The following TSHR variants were observed in gnomAD, a reference collection of about 807,000 sequenced individuals.
TSHR encodes the protein thyroid stimulating hormone receptor, also known as thyrotropin receptor.
A neutral mutation model predicts 64.1 loss-of-function variants in TSHR; 51 were observed. The observed-to-expected ratio is 0.80, with a 90% CI of 0.64 to 1.01. The LOEUF (loss-of-function observed/expected upper bound fraction) is 1.01, where lower values mean the gene tolerates loss of function less well. Among genes scored for constraint, TSHR ranks in the 50% least tolerant of loss-of-function variants. TSHR has a pLI of 0.00. For synonymous variants in TSHR, 361 were observed against 361.9 expected, an observed-to-expected ratio of 1.00 and a Z score of 0.03; for missense variants, 877 against 942.8, an observed-to-expected ratio of 0.93 and a Z score of 0.91.
chr14:81,055,544 G>C (rs1885726432), intron 1 of TSHR, among the ~76,000 whole-genome samples: 1 of 152,180 alleles, frequency 6.6e-6, no homozygotes, highest in African/African-American at 2.4e-5. Context: ...TGAGAGGGAG[G>C]CTGTACCCTG....
intron 1 of TSHR, among the ~76,000 whole-genome samples, chr14:81,034,383 C>A (rs150983337): frequency 4.6e-4 from 70 of 152,280 alleles, no homozygotes; most frequent in African/African-American, 1.5e-3. Context: ...TCCCATCTAC[C>A]TGAGAGGCTG....
At position 81,143,343 on chromosome 14, in the gene TSHR, C is replaced by A; in HGVS notation, c.1285C>A (p.Leu429Ile). The A allele has an allele frequency of 6.2e-7, 1 of 1,614,190 alleles. No individual in the cohort carries two copies. The highest frequency in any genetic ancestry group is 8.5e-7 in the Non-Finnish European group (1 of 1,180,046). ...IVVWFVSLLA[L>I]LGNVFVLLIL... is the part of the protein sequence containing the mutation. ...GGTGTGGTTCGTTAGTCTGCTGGCT[C>A]TCCTGGGCAATGTCTTTGTCCTGCT... is the stretch of plus-strand genomic sequence containing the variant. The change falls in exon 10 of 10, where the codon CTC becomes ATC. Residue 429 changes from leucine (L) to isoleucine (I), a missense_variant. By Grantham distance (5) the Leu-to-Ile change is conservative. Coordinates refer to ENST00000298171, the MANE Select transcript of TSHR (RefSeq NM_000369.5).
At chr14:80,991,141 G>A (rs1888705984) in intron 1 of TSHR, among the ~76,000 whole-genome samples, 2 of 152,072 alleles carry the variant, frequency 1.3e-5, no homozygotes, top group Non-Finnish European at 2.9e-5. Context: ...TACATTAAAA[G>A]AACTATAAAC....
intron 4 of TSHR, 151 bp downstream of exon 4, chr14:81,088,179 G>T (rs1158292028): frequency 3.0e-6 from 2 of 675,366 alleles, no homozygotes; most frequent in Non-Finnish European, 5.3e-6. Flanking sequence ...CGGGTGAAAT[G>T]ATCCACATTT....
intron 1 of TSHR, among the ~76,000 whole-genome samples, chr14:81,038,305 A>G (rs913636331): frequency 6.6e-6 from 1 of 151,994 alleles, no homozygotes; most frequent in Non-Finnish European, 1.5e-5. Context: ...GAAACACAAC[A>G]CACCTCAATC....
chr14:81,022,081 T>C lies in TSHR; in HGVS notation c.171-40067T>C, dbSNP rs1403336301. 3.1e-5 allele frequency among the ~76,000 whole-genome samples: 4 copies of C among 129,928 alleles called. No homozygotes were observed. In the Admixed American group the frequency reaches 3.4e-4, roughly 11 times the overall value. 85.2% of individuals were successfully genotyped at this position (129,928 alleles called of 152,430 possible). A position where few individuals can be genotyped will look rare whatever the true frequency, so the allele number is the denominator to read the frequency against. ...ATCAAAACCATCCTGGCTAACATGG[T>C]GAAACCCCGTCTCTACTAAAAATAC... On this transcript the variant is annotated intron_variant, in intron 1 of 9. Coordinates refer to ENST00000298171, the MANE Select transcript of TSHR (RefSeq NM_000369.5).
At chr14:81,100,086 G>C (rs1207854969) in intron 7 of TSHR, among the ~76,000 whole-genome samples, 1 of 152,174 alleles carries the variant, frequency 6.6e-6, no homozygotes, top group African/African-American at 2.4e-5. Flanking sequence ...GGATGGGAGA[G>C]GGGGAGCTAT....
At chr14:81,142,581 C>T (rs1891735194) in intron 9 of TSHR, among the ~76,000 whole-genome samples, 1 of 150,340 alleles carries the variant, frequency 6.7e-6, no homozygotes, top group Non-Finnish European at 1.5e-5. Flanking sequence ...ATGTGGGAAC[C>T]ATTCGTGGGT....
chr14:81,129,025 C>T (rs8021423), intron 8 of TSHR, among the ~76,000 whole-genome samples: 49,038 of 151,706 alleles, frequency 0.32, 8,104 homozygotes, highest in African/African-American at 0.39. Flanking sequence ...TATTTTTTTC[C>T]TCCAACACTG....
chr14:81,093,800 C>T (rs911419237), intron 6 of TSHR: 13 of 152,186 alleles, frequency 8.5e-5, no homozygotes, highest in Admixed American at 8.5e-4. Context: ...AGAAAAGGCC[C>T]AGGCTCTTAG....
chr14:81,056,341 C>T (rs899299312), intron 1 of TSHR, among the ~76,000 whole-genome samples: 10 of 152,092 alleles, frequency 6.6e-5, no homozygotes, highest in Admixed American at 2.6e-4. Context: ...GAAAACTACA[C>T]AGGAAACTTT....
chr14:81,146,024 C>G lies in TSHR; in HGVS notation c.*1671C>G, dbSNP rs555814345. On this transcript the variant is annotated 3_prime_UTR_variant, in exon 10 of 10. Coordinates refer to ENST00000298171, the MANE Select transcript of TSHR (RefSeq NM_000369.5). The stretch of plus-strand genomic sequence containing the variant: ...ACCCACTCATCACTATCATTGAGAC[C>G]TGCACATCTTAATAGAAATATTATA... 4.3e-6 allele frequency: 1 copy of G among 231,790 alleles called. No individual in the cohort carries two copies. Among genetic ancestry groups the G allele is most frequent in the South Asian group, 1.8e-4 (1 of 5,518 alleles). 14.4% of individuals were successfully genotyped at this position (231,790 alleles called of 1,614,324 possible).
chr14:81,104,979 G>A, intron 7 of TSHR: 1 of 985,396 alleles, frequency 1.0e-6, no homozygotes, highest in Non-Finnish European at 1.2e-6. Context: ...TAGATATTTA[G>A]AAACCCTGAC....
intron 5 of TSHR, among the ~76,000 whole-genome samples, chr14:81,092,050 A>G (rs1235131436): frequency 6.6e-6 from 1 of 152,268 alleles, no homozygotes; most frequent in Non-Finnish European, 1.5e-5. Flanking sequence ...AATGTAAGCA[A>G]TCTTCCAGAA....
chr14:81,034,043 C>T (rs1448584199), intron 1 of TSHR, among the ~76,000 whole-genome samples: 1 of 152,182 alleles, frequency 6.6e-6, no homozygotes, highest in Non-Finnish European at 1.5e-5. Context: ...CGGCCTGGAG[C>T]TTCCTCTTTA....
intron 1 of TSHR, among the ~76,000 whole-genome samples, chr14:80,963,644 G>A (rs888040547): frequency 6.6e-6 from 1 of 152,212 alleles, no homozygotes; most frequent in Admixed American, 6.5e-5. Flanking sequence ...GGTCTGTGGG[G>A]CAGATCTTAG....
At chr14:81,114,650 G>A (rs776236489) in intron 8 of TSHR, among the ~76,000 whole-genome samples, 164 of 152,336 alleles carry the variant, frequency 1.1e-3, no homozygotes, top group Non-Finnish European at 1.8e-3. Flanking sequence ...CAAAGCAGCA[G>A]GGAAGCTCGA....
chr14:80,978,269 T>C (rs956096740), intron 1 of TSHR, among the ~76,000 whole-genome samples: 3 of 152,204 alleles, frequency 2.0e-5, no homozygotes, highest in Non-Finnish European at 2.9e-5. Flanking sequence ...CTGTGCCCCC[T>C]GTGCCACCCA....
chr14:80,961,552 C>G (rs141101602), intron 1 of TSHR, among the ~76,000 whole-genome samples: 1 of 152,268 alleles, frequency 6.6e-6, no homozygotes, highest in East Asian at 1.9e-4. Flanking sequence ...GATTTATTCA[C>G]TTGGGATGAA....
Sources: allele counts gnomAD v4.1 joint callset (sites outside exome capture counted in the v4.1 genomes callset), GRCh38; gene constraint gnomAD v4.1.1; transcripts MANE v1.5; gene names NCBI Gene and HGNC (gene_info 2026-07-23, HGNC 2026-07-21).